The following DNAAF9 variants were observed in gnomAD, a reference collection of about 807,000 sequenced individuals.
DNAAF9 encodes dynein axonemal assembly factor 9.
Under a neutral mutation model 167.0 loss-of-function variants are expected in DNAAF9, and 90 were observed. That is an observed-to-expected ratio of 0.54 (90% CI 0.45 to 0.64). The LOEUF is 0.64. Among genes scored for constraint, DNAAF9 ranks in the 30% least tolerant of loss-of-function variants. The pLI is 0.00. For missense variants in DNAAF9, 1,315 were observed against 1,442.2 expected (o/e 0.91, Z 1.43); for synonymous variants, 491 against 508.8 (o/e 0.96, Z 0.47).
intron 12 of DNAAF9, among the ~76,000 whole-genome samples, chr20:3,328,856 A>G (rs2069765465): frequency 6.7e-6 from 1 of 149,882 alleles, no homozygotes; most frequent in African/African-American, 2.5e-5. Flanking sequence ...GTATACACAC[A>G]CACACAATTT....
chr20:3,380,161 G>A (rs531870289), intron 3 of DNAAF9, among the ~76,000 whole-genome samples: 1 of 152,188 alleles, frequency 6.6e-6, no homozygotes, highest in Non-Finnish European at 1.5e-5. Flanking sequence ...CTGGGCTGAG[G>A]TGAAACGTGT....
intron 3 of DNAAF9, 82 bp downstream of exon 3, chr20:3,381,297 C>A: frequency 8.6e-7 from 1 of 1,162,504 alleles, no homozygotes. Context: ...AATTTTATTC[C>A]ATAAGAAGAC....
chr20:3,352,781 G>C (rs1304339485), intron 7 of DNAAF9, among the ~76,000 whole-genome samples: 1 of 151,774 alleles, frequency 6.6e-6, no homozygotes, highest in Non-Finnish European at 1.5e-5. Flanking sequence ...CTGGCTGTGA[G>C]AAAGATGGTA....
intron 29 of DNAAF9, among the ~76,000 whole-genome samples, chr20:3,271,301 G>A (rs1486181424): frequency 6.6e-6 from 1 of 152,062 alleles, no homozygotes. Flanking sequence ...AGAGTGCACT[G>A]CCAAGATACT....
chr20:3,361,860 C>T, intron 6 of DNAAF9: 2 of 1,460,284 alleles, frequency 1.4e-6, no homozygotes, highest in Non-Finnish European at 1.9e-6. Context: ...AGGGGAAGGG[C>T]CTGTGGTTTT....
chr20:3,270,663 C>T, intron 29 of DNAAF9, 101 bp from the exon 30 acceptor site: 1 of 948,770 alleles, frequency 1.1e-6, no homozygotes, highest in Non-Finnish European at 1.6e-6. Flanking sequence ...TCATGCCTTC[C>T]AGTAGTCTCC....
At position 3,326,199 on chromosome 20, in the gene DNAAF9, T is replaced by G; in HGVS notation, c.1186A>C (p.Lys396Gln). 1 of 1,588,614 alleles carries G rather than the reference T, an allele frequency of 6.3e-7. No homozygotes were observed. Among genetic ancestry groups the G allele is most frequent in the Non-Finnish European group, 8.6e-7 (1 of 1,156,820 alleles). Residue 396 changes from lysine (K) to glutamine (Q), a missense_variant and splice_region_variant, in exon 13 of 37, where the codon AAG becomes CAG. Lys to Gln is a moderately conservative substitution (Grantham distance 53). Around this residue, in one of 2 missense-constraint regions of DNAAF9, gnomAD observed 981 missense variants for 1,012.5 expected, o/e 0.97. Coordinates refer to ENST00000252032, the MANE Select transcript of DNAAF9 (RefSeq NM_001009984.3). The part of the protein sequence containing the change: ...ACYAKTSSLT[K>Q]AKEVAEQTLG... ...GGGAAACATGGTATTTAAATTACCT[T>G]TGTTAGACTGGAAGTTTTAGCATAA...
At position 3,361,393 on chromosome 20, in the gene DNAAF9, A is replaced by G. The variant is rs188797033; in HGVS notation, c.613-1800T>C. 2.3e-3 allele frequency among the ~76,000 whole-genome samples: 344 copies of G among 152,252 alleles called. 2 individuals carry two copies. Among genetic ancestry groups the G allele is most frequent in the Middle Eastern group, 0.01 (3 of 294 alleles). On this transcript the variant is annotated intron_variant, in intron 6 of 36. Coordinates refer to ENST00000252032, the MANE Select transcript of DNAAF9 (RefSeq NM_001009984.3). The stretch of plus-strand genomic sequence containing the variant: ...CAGGGGTGCAGGCAAAGCACCCCAC[A>G]CACCCAGCAGTAGTCCCACAGGCTG...
intron 1 of DNAAF9, among the ~76,000 whole-genome samples, chr20:3,406,574 C>A (rs1229570814): frequency 6.6e-6 from 1 of 152,162 alleles, no homozygotes; most frequent in Non-Finnish European, 1.5e-5. Flanking sequence ...AATGCCCAGA[C>A]CAACAAGATC....
At chr20:3,261,090 G>A (rs995844001) in intron 31 of DNAAF9, among the ~76,000 whole-genome samples, 2 of 152,270 alleles carry the variant, frequency 1.3e-5, no homozygotes, top group Admixed American at 6.5e-5. Flanking sequence ...TGCTCAGGCT[G>A]GAGTGCAGTG....
chr20:3,357,426 C>T (rs557882803), intron 7 of DNAAF9, among the ~76,000 whole-genome samples: 22 of 152,010 alleles, frequency 1.4e-4, no homozygotes, highest in Non-Finnish European at 2.8e-4. Context: ...GAGCCAAGAT[C>T]GCACCACTAC....
chr20:3,381,519 T>C (rs779049304), intron 2 of DNAAF9, 21 bp from the exon 3 acceptor site: 16 of 1,611,600 alleles, frequency 9.9e-6, no homozygotes, highest in Non-Finnish European at 1.3e-5. Context: ...AAGGAGGCTC[T>C]GATCAGCTGT....
chr20:3,340,454 C>CCCCCCCCCCCA, intron 10 of DNAAF9, 50 bp downstream of exon 10: 2 of 1,053,078 alleles, frequency 1.9e-6, no homozygotes, highest in Non-Finnish European at 1.3e-6. Flanking sequence ...ACCCCACCCC[C>CCCCCCCCCCCA]ACAACTTGAT....
At chr20:3,288,741 T>C (rs996160415) in intron 26 of DNAAF9, among the ~76,000 whole-genome samples, 8 of 152,194 alleles carry the variant, frequency 5.3e-5, no homozygotes, top group South Asian at 2.1e-4. Context: ...GGTTGTTTGG[T>C]AATCTGACAG....
chr20:3,264,447 T>C lies in DNAAF9; in HGVS notation c.2864A>G (p.Tyr955Cys), dbSNP rs561755293. ...CAATGATGATACTTGCCAGCCAGGA[T>C]ACATTAAATATCGAGATCGTAGCAT... ...PEMLRSRYLM[Y>C]PGWYEGKLNA... The change falls in exon 31 of 37, where the codon TAT (tyrosine) becomes TGT (cysteine). Residue 955 changes from tyrosine (Y) to cysteine (C), a missense_variant. By Grantham distance (194) the Tyr-to-Cys change is radical. Around this residue, in one of 2 missense-constraint regions of DNAAF9, gnomAD observed 334 missense variants for 429.7 expected, o/e 0.78. Coordinates refer to ENST00000252032, the MANE Select transcript of DNAAF9 (RefSeq NM_001009984.3). 1.7e-5 allele frequency: 24 copies of C among 1,444,398 alleles called. No homozygotes were observed. The highest frequency in any genetic ancestry group is 1.7e-4 in the Middle Eastern group (1 of 5,760). The allele number at this position is 1,444,398 out of a possible 1,614,324, so 89.5% of individuals were successfully genotyped here.
rs386393120 is a variant in DNAAF9 at position 3,268,897 on chromosome 20, C to CTTTTTTTTTTT, written c.2786+1519_2786+1529dup. Among the ~76,000 whole-genome samples the CTTTTTTTTTTT allele has an allele frequency of 4.8e-4, 41 of 85,840 alleles. 5 individuals are homozygous for CTTTTTTTTTTT. The highest frequency in any genetic ancestry group is 1.5e-3 in the African/African-American group (32 of 21,490). The allele number at this position is 85,840 out of a possible 152,430, so 56.3% of individuals were successfully genotyped here. On this transcript the variant is annotated intron_variant, in intron 30 of 36. Transcript: ENST00000252032. ...GTAAAGAGATAATATCTCTATGTTACTTTTTTTTTTTTTTTTTTTTTTTTG... is the reference window on the plus strand; with the variant it reads ...GTAAAGAGATAATATCTCTATGTTACTTTTTTTTTTTTTTTTTTTTTTTTTTTTTTTTTTTG...
chr20:3,268,738 T>C (rs774548794), intron 30 of DNAAF9, among the ~76,000 whole-genome samples: 14 of 152,110 alleles, frequency 9.2e-5, no homozygotes, highest in Non-Finnish European at 1.8e-4. Flanking sequence ...ATTAAAAAGG[T>C]ATATAACCTT....
chr20:3,255,187 A>G, intron 35 of DNAAF9, 32 bp downstream of exon 35: 1 of 1,430,878 alleles, frequency 7.0e-7, no homozygotes, highest in African/African-American at 1.4e-5. Context: ...GCCCTGGGCC[A>G]CCGAGGGGAG....
At chr20:3,297,011 C>T in intron 22 of DNAAF9, 62 bp from the exon 23 acceptor site, 1 of 898,808 alleles carries the variant, frequency 1.1e-6, no homozygotes, top group South Asian at 1.4e-5. Flanking sequence ...ATGGAAGCCA[C>T]ATGGGGATTT....
Sources: gnomAD v4.1 joint callset for allele counts (sites outside exome capture counted in the v4.1 genomes callset) on GRCh38, gnomAD v4.1.1 for gene constraint, gnomAD v4.1.1 regional missense constraint, MANE v1.5 for transcripts, NCBI Gene and HGNC (gene_info 2026-07-23, HGNC 2026-07-21) for gene names.